Variants in FRMD4B observed in about 807,000 individuals in gnomAD.
FRMD4B encodes the protein FERM domain-containing protein 4B.
FRMD4B carries 74 observed loss-of-function variants against 141.5 expected under a neutral mutation model. The ratio of observed to expected loss-of-function variants is 0.52; its 90% CI spans 0.43 to 0.63. The LOEUF is 0.63. Ranked by LOEUF, FRMD4B falls within the 30% of genes least tolerant of loss-of-function variation. FRMD4B has a pLI of 0.00. For synonymous variants in FRMD4B, 506 were observed against 467.9 expected, an observed-to-expected ratio of 1.08 and a Z score of -1.05; for missense variants, 1,366 against 1,253.4, an observed-to-expected ratio of 1.09 and a Z score of -1.36.
chr3:69,360,090 T>C lies in FRMD4B; in HGVS notation c.162+25738A>G, dbSNP rs1703431518. Reference sequence around the variant, plus strand: ...CTGTCTTTCTGCAGAACCTGGAGTTTTGTTTTCCCCTTTCTCTCTCCCTTT... The same window carrying C: ...CTGTCTTTCTGCAGAACCTGGAGTTCTGTTTTCCCCTTTCTCTCTCCCTTT... On this transcript the variant is annotated intron_variant, in intron 1 of 22. Coordinates refer to ENST00000398540, the MANE Select transcript of FRMD4B (RefSeq NM_015123.3). 2.6e-5 allele frequency among the ~76,000 whole-genome samples: 4 copies of C among 152,190 alleles called. No homozygotes were observed. The South Asian group carries it at 8.3e-4, about 31-fold the overall frequency.
intron 1 of FRMD4B, among the ~76,000 whole-genome samples, chr3:69,379,010 C>G (rs576232847): frequency 6.6e-6 from 1 of 152,276 alleles, no homozygotes; most frequent in South Asian, 2.1e-4. Context: ...AAAGGCAAAG[C>G]CCTTTCATAG....
At chr3:69,175,051 A>C (rs533728305) in intron 22 of FRMD4B, among the ~76,000 whole-genome samples, 1 of 152,286 alleles carries the variant, frequency 6.6e-6, no homozygotes, top group Non-Finnish European at 1.5e-5. Context: ...AGCCAAGAAA[A>C]ACTCCCACTG....
At chr3:69,267,744 T>C (rs1045774231) in intron 5 of FRMD4B, among the ~76,000 whole-genome samples, 3 of 150,784 alleles carry the variant, frequency 2.0e-5, no homozygotes, top group Non-Finnish European at 4.4e-5. Context: ...GTGATTCTTG[T>C]GCCTTAGCCT....
intron 11 of FRMD4B, chr3:69,200,980 G>A: frequency 2.6e-6 from 1 of 388,662 alleles, no homozygotes; most frequent in South Asian, 1.9e-5. Flanking sequence ...TAGCGCTTTG[G>A]ACTCCATTCA....
intron 1 of FRMD4B, among the ~76,000 whole-genome samples, chr3:69,321,688 C>T (rs980587492): frequency 5.3e-5 from 8 of 150,910 alleles, no homozygotes; most frequent in Non-Finnish European, 7.4e-5. Flanking sequence ...AGAACCCAGA[C>T]ACAGCTAACA....
Position 69,246,670 on chromosome 3 carries a change from C to T in FRMD4B, c.581+2556G>A, listed in dbSNP as rs7629818. 5.3e-5 allele frequency among the ~76,000 whole-genome samples: 8 copies of T among 152,046 alleles called. No homozygotes were observed. In the East Asian group the frequency reaches 9.7e-4, roughly 18 times the overall value. On this transcript the variant is annotated intron_variant, in intron 7 of 22. Coordinates refer to ENST00000398540, the MANE Select transcript of FRMD4B (RefSeq NM_015123.3). ...ACAGATGAGGGAACCGAGGCTCAGACAGGATAAGTGGCCACTCAGAGGGAT... is the reference window on the plus strand; with the variant it reads ...ACAGATGAGGGAACCGAGGCTCAGATAGGATAAGTGGCCACTCAGAGGGAT...
intron 5 of FRMD4B, among the ~76,000 whole-genome samples, chr3:69,270,361 G>T (rs1359255968): frequency 6.6e-6 from 1 of 152,208 alleles, no homozygotes; most frequent in Non-Finnish European, 1.5e-5. Flanking sequence ...AGCACTGCAG[G>T]AAGGAAAATG....
intron 7 of FRMD4B, among the ~76,000 whole-genome samples, chr3:69,245,345 G>C (rs1019331204): frequency 6.0e-5 from 9 of 150,760 alleles, no homozygotes; most frequent in Non-Finnish European, 1.2e-4. Flanking sequence ...GTGTGTGTGT[G>C]TGTGTGTGTT....
chr3:69,250,376 C>T (rs946372495), intron 5 of FRMD4B: 9 of 276,090 alleles, frequency 3.3e-5, no homozygotes, highest in African/African-American at 1.8e-4. Context: ...CAGGAAGAAA[C>T]GGGAATGACT....
intron 2 of FRMD4B, among the ~76,000 whole-genome samples, chr3:69,418,425 C>G (rs1192991913): frequency 3.3e-5 from 5 of 152,150 alleles, no homozygotes; most frequent in Non-Finnish European, 7.3e-5. Context: ...GTATCTGCTT[C>G]TAGCCAAGAG....
At chr3:69,177,451 G>C (rs899116196) in intron 21 of FRMD4B, among the ~76,000 whole-genome samples, 1 of 151,986 alleles carries the variant, frequency 6.6e-6, no homozygotes, top group Non-Finnish European at 1.5e-5. Context: ...GGAGTTCAAG[G>C]CTAGCCTCAG....
chr3:69,538,666 T>TA (rs959496804), intron 1 of FRMD4B, among the ~76,000 whole-genome samples: 4 of 152,150 alleles, frequency 2.6e-5, no homozygotes, highest in South Asian at 4.2e-4. Context: ...AAGCATGAGA[T>TA]AAAAAATGAC....
At chr3:69,213,203 T>C (rs555647712) in intron 11 of FRMD4B, among the ~76,000 whole-genome samples, 1 of 152,292 alleles carries the variant, frequency 6.6e-6, no homozygotes, top group South Asian at 2.1e-4. Flanking sequence ...ATGCTTAGAA[T>C]ATACACTGAC....
chr3:69,413,339 G>C (rs1439306315), intron 2 of FRMD4B, among the ~76,000 whole-genome samples: 1 of 152,184 alleles, frequency 6.6e-6, no homozygotes, highest in Non-Finnish European at 1.5e-5. Flanking sequence ...ACGAGGCACA[G>C]AGTAGTGATT....
At chr3:69,339,368 C>T (rs1702659721) in intron 1 of FRMD4B, among the ~76,000 whole-genome samples, 1 of 152,180 alleles carries the variant, frequency 6.6e-6, no homozygotes, top group Non-Finnish European at 1.5e-5. Context: ...CGAGACCTAA[C>T]TCTGACACTA....
At chr3:69,217,137 G>A (rs1247751014) in intron 10 of FRMD4B, among the ~76,000 whole-genome samples, 1 of 152,200 alleles carries the variant, frequency 6.6e-6, no homozygotes, top group Non-Finnish European at 1.5e-5. Context: ...AAACCCTTTT[G>A]GAGAACTGTA....
chr3:69,448,790 G>T (rs1559530390), intron 1 of FRMD4B, among the ~76,000 whole-genome samples: 1 of 152,082 alleles, frequency 6.6e-6, no homozygotes, highest in Non-Finnish European at 1.5e-5. Flanking sequence ...AAAATATTCA[G>T]ACTATAAAGA....
At chr3:69,350,824 T>C (rs1189065910) in intron 1 of FRMD4B, among the ~76,000 whole-genome samples, 4 of 61,662 alleles carry the variant, frequency 6.5e-5, no homozygotes, top group Non-Finnish European at 1.2e-4. Flanking sequence ...GGGCCTGCCT[T>C]GGGGTGTGGG....
chr3:69,426,963 G>C lies in FRMD4B; in HGVS notation c.-1+5671C>G, dbSNP rs370736950. Among the ~76,000 whole-genome samples the C allele has an allele frequency of 2.0e-5, 3 of 152,104 alleles. No homozygotes were observed. In the East Asian group the frequency reaches 5.8e-4, roughly 29 times the overall value. On this transcript the variant is annotated intron_variant, in intron 2 of 5. Coordinates refer to the FRMD4B transcript ENST00000459638. Reference sequence around the variant, plus strand: ...TCAGCCTCATAGATTTTGGAAATGTGACTATTTATAGGGATTCTTATTTTT... The same window carrying C: ...TCAGCCTCATAGATTTTGGAAATGTCACTATTTATAGGGATTCTTATTTTT...
Sources: gnomAD v4.1 joint callset for allele counts (sites outside exome capture counted in the v4.1 genomes callset) on GRCh38, gnomAD v4.1.1 for gene constraint, MANE v1.5 for transcripts, NCBI Gene and HGNC (gene_info 2026-07-23, HGNC 2026-07-21) for gene names.